Variants in UTP20 observed in about 807,000 individuals in gnomAD.
UTP20 encodes small subunit processome component 20 homolog.
In UTP20, 164 loss-of-function variants were observed where a neutral mutation model predicts 329.5. The observed-to-expected ratio is 0.50, with a 90% confidence interval of 0.44 to 0.57. UTP20 has a LOEUF of 0.57. UTP20 is among the 20% of genes least tolerant of loss of function. The pLI is 0.00. For synonymous variants in UTP20, 1,151 were observed against 1,159.3 expected (o/e 0.99, Z 0.14); for missense variants, 3,055 against 3,284.2 (o/e 0.93, Z 1.71).
At chr12:101,370,144 G>C (rs12369029) in intron 49 of UTP20, among the ~76,000 whole-genome samples, 20,314 of 152,108 alleles carry the variant, frequency 0.13, 1,530 homozygotes, top group Middle Eastern at 0.24. Context: ...CACTTGACAG[G>C]AGTTAGAGGC....
rs187777263 is a variant in UTP20, at chr12:101,326,814, C to A, written c.3042-267C>A. 1.9e-4 allele frequency: 44 copies of A among 231,494 alleles called. No individual in the cohort carries two copies. In the East Asian group the frequency reaches 3.7e-3, roughly 19 times the overall value. The allele number at this position is 231,494 out of a possible 1,614,324, so 14.3% of individuals were successfully genotyped here. A position where few individuals can be genotyped will look rare whatever the true frequency, so the allele number is the denominator to read the frequency against. ...AAGTTGCCCAGGCTGGCTTTAAACT[C>A]CTGAGCTCAAGTGATCCTCTGGCCT... is the stretch of plus-strand genomic sequence containing the variant. On this transcript the variant is annotated intron_variant, in intron 25 of 61. Coordinates refer to ENST00000261637, the MANE Select transcript of UTP20 (RefSeq NM_014503.3).
chr12:101,371,153 G>C lies in UTP20; in HGVS notation c.6783G>C (p.Arg2261Ser). The C allele has an allele frequency of 6.2e-7, 1 of 1,613,680 alleles. No homozygotes were observed. Among genetic ancestry groups the C allele is most frequent in the Non-Finnish European group, 8.5e-7 (1 of 1,179,788 alleles). ...LAVSAQSEPARVQCRQVFLKY... is the reference protein window; with the variant it reads ...LAVSAQSEPASVQCRQVFLKY... ...TCTCTGCACAAAGCGAACCTGCCAG[G>C]GTCCAGTGTAGACAGGTTTGTAGAG... Residue 2261 changes from arginine to serine, a missense_variant, in exon 51 of 62, where the codon AGG becomes AGC. Physicochemically the swap from Arg to Ser is moderately radical, Grantham distance 110. Around this residue, in one of 3 missense-constraint regions of UTP20, gnomAD observed 273 missense variants for 363.1 expected, o/e 0.75. Coordinates refer to ENST00000261637, the MANE Select transcript of UTP20 (RefSeq NM_014503.3).
At position 101,290,764 on chromosome 12, in the gene UTP20, C is replaced by T; in HGVS notation, c.767C>T (p.Pro256Leu). The T allele has an allele frequency of 6.2e-7, 1 of 1,612,630 alleles. No individual in the cohort carries two copies. Among genetic ancestry groups the T allele is most frequent in the Non-Finnish European group, 8.5e-7 (1 of 1,179,594 alleles). The change falls in exon 8 of 62, where the codon CCA (proline) becomes CTA (leucine). Residue 256 changes from proline to leucine, a missense_variant. By Grantham distance (98) the Pro-to-Leu change is moderately conservative (BLOSUM62 -3). This residue lies in a region of UTP20 where 2,445 missense variants were observed against 2,575.5 expected (regional missense o/e 0.95). Coordinates refer to ENST00000261637, the MANE Select transcript of UTP20 (RefSeq NM_014503.3). ...AVKLILRKLGPVTETETQLPW... is the reference protein window; with the variant it reads ...AVKLILRKLGLVTETETQLPW... Reference sequence around the variant, plus strand: ...AAGCTAATTTTGCGAAAGCTAGGACCAGTCACTGAAACAGAAACTCAACTA... The same window carrying T: ...AAGCTAATTTTGCGAAAGCTAGGACTAGTCACTGAAACAGAAACTCAACTA...
At chr12:101,340,499 T>A (rs7963896) in intron 31 of UTP20, 24 bp from the exon 32 acceptor site, 8 of 1,433,442 alleles carry the variant, frequency 5.6e-6, no homozygotes, top group Non-Finnish European at 7.8e-6. Context: ...ATGTTCCTTA[T>A]ATATCCGTTT....
rs772947510 is a variant in UTP20, at chr12:101,311,724, A to G, written c.2237A>G (p.His746Arg). The G allele has an allele frequency of 1.2e-6, 2 of 1,609,226 alleles. No individual in the cohort carries two copies. Among genetic ancestry groups the G allele is most frequent in the Non-Finnish European group, 1.7e-6 (2 of 1,179,082 alleles). ...WDPVIELISS[H>R]AHEMENKQFW... ...TGATTTTTTTTTTCCCTTAGTTCTCATGCACACGAAATGGAAAATAAGCAA... is the reference window on the plus strand; with the variant it reads ...TGATTTTTTTTTTCCCTTAGTTCTCGTGCACACGAAATGGAAAATAAGCAA... The change falls in exon 20 of 62, where the codon CAT becomes CGT. Residue 746 changes from histidine to arginine, a missense_variant. This residue lies in a region of UTP20 where 2,445 missense variants were observed against 2,575.5 expected (regional missense o/e 0.95). Coordinates refer to ENST00000261637, the MANE Select transcript of UTP20 (RefSeq NM_014503.3).
At chr12:101,362,823 T>C (rs1490664302) in intron 44 of UTP20, among the ~76,000 whole-genome samples, 1 of 132,404 alleles carries the variant, frequency 7.6e-6, no homozygotes, top group Admixed American at 7.0e-5. Context: ...CACTAACATT[T>C]TGAATCTCAA....
At chr12:101,355,447 A>G (rs1869687936) in intron 41 of UTP20, among the ~76,000 whole-genome samples, 1 of 152,236 alleles carries the variant, frequency 6.6e-6, no homozygotes, top group African/African-American at 2.4e-5. Flanking sequence ...TCAGTTCTGC[A>G]CTATTCAAAA....
In UTP20 at chr12:101,291,756, T is replaced by C. The variant is rs1872163067; in HGVS notation, c.906T>C (p.Asp302=). Residue 302 remains aspartate (D), a synonymous_variant, in exon 9 of 62, where the codon GAT becomes GAC. Coordinates refer to ENST00000261637, the MANE Select transcript of UTP20 (RefSeq NM_014503.3). ...FFECLQESLL[D]LHTKVTKTNC... ...TTTGTTTGCAGGAATCGCTCTTGGATCTACACACAAAAGTAACAAAAACTA... is the reference window on the plus strand; with the variant it reads ...TTTGTTTGCAGGAATCGCTCTTGGACCTACACACAAAAGTAACAAAAACTA... The C allele has an allele frequency of 6.3e-7, 1 of 1,592,638 alleles. No homozygotes were observed. The highest frequency in any genetic ancestry group is 1.9e-4 in the Middle Eastern group (1 of 5,398).
intron 25 of UTP20, among the ~76,000 whole-genome samples, chr12:101,324,379 A>G (rs1868486696): frequency 6.6e-6 from 1 of 151,764 alleles, no homozygotes; most frequent in African/African-American, 2.4e-5. Context: ...CTGGGACTAC[A>G]GGCACGTGCC....
chr12:101,319,734 G>T, intron 23 of UTP20, 99 bp downstream of exon 23: 3 of 913,346 alleles, frequency 3.3e-6, no homozygotes, highest in South Asian at 1.7e-5. Context: ...TGCTGAATAG[G>T]GCCCATGTCT....
chr12:101,285,471 G>A, intron 2 of UTP20, 99 bp from the exon 3 acceptor site: 1 of 1,297,054 alleles, frequency 7.7e-7, no homozygotes, highest in Non-Finnish European at 1.1e-6. Flanking sequence ...AAACTCTTCA[G>A]TATCATTGTC....
intron 23 of UTP20, among the ~76,000 whole-genome samples, chr12:101,320,296 C>G (rs1196244527): frequency 2.0e-5 from 3 of 152,156 alleles, no homozygotes; most frequent in Non-Finnish European, 4.4e-5. Flanking sequence ...TAGCTCACGC[C>G]TGTAATCCTA....
chr12:101,345,906 G>A (rs1459138678), intron 37 of UTP20, among the ~76,000 whole-genome samples: 2 of 152,160 alleles, frequency 1.3e-5, no homozygotes, highest in African/African-American at 4.8e-5. Context: ...GTTAATAATA[G>A]TGTCGCTTTT....
At chr12:101,310,449 C>T (rs1872749818) in intron 19 of UTP20, among the ~76,000 whole-genome samples, 1 of 151,782 alleles carries the variant, frequency 6.6e-6, no homozygotes, top group Non-Finnish European at 1.5e-5. Context: ...GTGGCACATT[C>T]CTGTAATGCT....
chr12:101,351,739 C>T (rs1286158783), intron 38 of UTP20, among the ~76,000 whole-genome samples: 1 of 151,910 alleles, frequency 6.6e-6, no homozygotes, highest in Non-Finnish European at 1.5e-5. Context: ...CTGAGTAGCA[C>T]AATATATAGT....
intron 3 of UTP20, 32 bp downstream of exon 3, chr12:101,285,668 C>T: frequency 6.2e-7 from 1 of 1,613,420 alleles, no homozygotes; most frequent in Non-Finnish European, 8.5e-7. Flanking sequence ...TTTTATTCAC[C>T]CATAGTTTGC....
chr12:101,299,880 C>T, intron 13 of UTP20, 43 bp downstream of exon 13: 2 of 1,601,854 alleles, frequency 1.2e-6, no homozygotes, highest in Non-Finnish European at 1.7e-6. Flanking sequence ...AGATAACATG[C>T]TGATTAAAAT....
chr12:101,284,077 G>T (rs1235472153), intron 2 of UTP20, among the ~76,000 whole-genome samples: 1 of 151,444 alleles, frequency 6.6e-6, no homozygotes, highest in Non-Finnish European at 1.5e-5. Context: ...ACACATATTT[G>T]TATTTATTTT....
Position 101,333,379 on chromosome 12 carries a change from T to G in UTP20, c.3496T>G (p.Trp1166Gly), listed in dbSNP as rs749876191. ...IKMVTDIFLD[W>G]ESYQFRTEEI... ...AATGGTAACTGATATCTTTTTGGAC[T>G]GGGAATCATATCAGTTTAGAACAGA... The change falls in exon 28 of 62, where the codon TGG becomes GGG. Residue 1166 changes from tryptophan to glycine, a missense_variant. This residue lies in a region of UTP20 where 2,445 missense variants were observed against 2,575.5 expected (regional missense o/e 0.95). Coordinates refer to ENST00000261637, the MANE Select transcript of UTP20 (RefSeq NM_014503.3). The G allele has an allele frequency of 1.9e-6, 3 of 1,614,138 alleles. No homozygotes were observed. The highest frequency in any genetic ancestry group is 8.5e-7 in the Non-Finnish European group (1 of 1,179,978).
Sources: allele counts gnomAD v4.1 joint callset (sites outside exome capture counted in the v4.1 genomes callset), GRCh38; gene constraint gnomAD v4.1.1; regional missense constraint gnomAD v4.1.1; transcripts MANE v1.5; gene names NCBI Gene and HGNC (gene_info 2026-07-23, HGNC 2026-07-21).